Variants in DISP1 observed in about 807,000 individuals in gnomAD.
DISP1 encodes dispatched RND transporter family member 1, also known as protein dispatched homolog 1.
In DISP1, 30 loss-of-function variants were observed where a neutral mutation model predicts 37.3. The observed-to-expected ratio is 0.80, with a 90% CI of 0.60 to 1.09. DISP1 has a LOEUF of 1.09. Ranked by LOEUF, DISP1 falls within the 50% of genes least tolerant of loss-of-function variation. DISP1 has a pLI of 0.00. For synonymous variants in DISP1, 634 were observed against 690.2 expected (o/e 0.92, Z 1.28); for missense variants, 1,598 against 1,879.5 (o/e 0.85, Z 2.77).
Position 222,994,908 on chromosome 1 carries a change from T to G in DISP1, c.913T>G (p.Phe305Val). The change falls in exon 8 of 9, where the codon TTT becomes GTT. Residue 305 changes from phenylalanine (F) to valine (V), a missense_variant. Phe to Val is a conservative substitution (Grantham distance 50). Transcript: ENST00000675850. ...VPSDRYSRVVFTSSGGETLWN... is the reference protein window; with the variant it reads ...VPSDRYSRVVVTSSGGETLWN... ...AGGTGACCGATATTCCAGAGTGGTATTTACTTCATCTGGAGGGGAGACATT... is the reference window on the plus strand; with the variant it reads ...AGGTGACCGATATTCCAGAGTGGTAGTTACTTCATCTGGAGGGGAGACATT... 1 of 1,612,312 alleles carries G rather than the reference T, an allele frequency of 6.2e-7. No individual in the cohort carries two copies. The highest frequency in any genetic ancestry group is 8.5e-7 in the Non-Finnish European group (1 of 1,178,710).
chr1:222,912,999 T>C (rs976342300), intron 1 of DISP1, among the ~76,000 whole-genome samples: 1 of 152,204 alleles, frequency 6.6e-6, no homozygotes, highest in East Asian at 1.9e-4. Flanking sequence ...CCTGCATGAC[T>C]AGATATTTAT....
chr1:222,927,416 A>G (rs988996849), intron 1 of DISP1, among the ~76,000 whole-genome samples: 1 of 151,954 alleles, frequency 6.6e-6, no homozygotes, highest in Non-Finnish European at 1.5e-5. Flanking sequence ...TTTATTGTTG[A>G]GTTGTAAGAG....
intron 3 of DISP1, among the ~76,000 whole-genome samples, chr1:222,965,513 TCTC>T (rs970512569): frequency 2.0e-5 from 3 of 152,194 alleles, no homozygotes; most frequent in Admixed American, 6.6e-5. Context: ...TTTGATTTCT[TCTC>T]CTGTTTAGTT....
chr1:222,968,390 G>T lies in DISP1; in HGVS notation c.510-14690G>T, dbSNP rs117564249. 6.1e-3 allele frequency among the ~76,000 whole-genome samples: 927 copies of T among 152,182 alleles called. 68 individuals carry two copies. The East Asian group carries it at 0.14, about 23-fold the overall frequency. On this transcript the variant is annotated intron_variant, in intron 3 of 8. Transcript: ENST00000675850. Reference sequence around the variant, plus strand: ...TAACTGAGAGATTTCTGTTACCACTGTTGTAGTTCTAGAAAGACCATCCAA... The same window carrying T: ...TAACTGAGAGATTTCTGTTACCACTTTTGTAGTTCTAGAAAGACCATCCAA...
intron 2 of DISP1, among the ~76,000 whole-genome samples, chr1:222,938,220 C>T (rs972680087): frequency 9.9e-5 from 15 of 152,170 alleles, no homozygotes; most frequent in African/African-American, 1.4e-4. Flanking sequence ...TACCCAAAAC[C>T]GATTTTAAAC....
chr1:222,940,826 A>C (rs1674325828), intron 2 of DISP1, among the ~76,000 whole-genome samples: 1 of 152,216 alleles, frequency 6.6e-6, no homozygotes, highest in Non-Finnish European at 1.5e-5. Flanking sequence ...GTGTGCCTGC[A>C]GTGATTTCTT....
chr1:222,938,038 T>C (rs1674099991), intron 2 of DISP1, among the ~76,000 whole-genome samples: 1 of 152,094 alleles, frequency 6.6e-6, no homozygotes, highest in Non-Finnish European at 1.5e-5. Context: ...CATGCTCAGC[T>C]AACTTTTAAA....
chr1:222,974,000 G>T (rs1002631784), intron 3 of DISP1, among the ~76,000 whole-genome samples: 1 of 152,158 alleles, frequency 6.6e-6, no homozygotes, highest in Non-Finnish European at 1.5e-5. Flanking sequence ...AATTAGGCTT[G>T]TGGGTGTGAC....
rs147873959 is a variant in DISP1 at position 222,910,341 on chromosome 1, G to A, written c.-158-18089G>A. Among the ~76,000 whole-genome samples, 619 of 152,164 alleles carry A rather than the reference G, an allele frequency of 4.1e-3. 12 individuals carry two copies. The highest frequency in any genetic ancestry group is 0.017 in the Admixed American group (255 of 15,278). ...TTGCACTATGGCACTCCAGCCTGGG[G>A]GTCGGAGTAAGACCCTGTCTCCAAA... On this transcript the variant is annotated intron_variant, in intron 1 of 8. Transcript: ENST00000675850.
Position 222,942,909 on chromosome 1 carries a change from C to T in DISP1, c.86C>T (p.Thr29Ile), listed in dbSNP as rs756499874. The T allele has an allele frequency of 4.3e-6, 7 of 1,613,992 alleles. No individual in the cohort carries two copies. In the East Asian group the frequency reaches 1.6e-4, roughly 36 times the overall value. The change falls in exon 3 of 9, where the codon ACC becomes ATC. Residue 29 changes from threonine (T) to isoleucine (I), a missense_variant. Transcript: ENST00000675850. Reference sequence around the variant, plus strand: ...AGTGCTGCTAACCCGAGTCCCCTCACCCCCTGTGATGGAGACCATGCAGCC... The same window carrying T: ...AGTGCTGCTAACCCGAGTCCCCTCATCCCCTGTGATGGAGACCATGCAGCC... ...ATSAANPSPLTPCDGDHAAQQ... is the reference protein window; with the variant it reads ...ATSAANPSPLIPCDGDHAAQQ...
At chr1:222,911,196 T>C (rs1672188609) in intron 1 of DISP1, among the ~76,000 whole-genome samples, 1 of 152,230 alleles carries the variant, frequency 6.6e-6, no homozygotes, top group South Asian at 2.1e-4. Flanking sequence ...TCAGCTTTGG[T>C]TAAAACCTGT....
intron 3 of DISP1, among the ~76,000 whole-genome samples, chr1:222,980,018 A>C (rs1186680782): frequency 1.3e-5 from 2 of 152,226 alleles, no homozygotes; most frequent in Admixed American, 6.5e-5. Flanking sequence ...TTACTGCTGA[A>C]TTAGGCATGG....
At chr1:222,834,819 C>T (rs1227785100) in intron 1 of DISP1, among the ~76,000 whole-genome samples, 1 of 152,044 alleles carries the variant, frequency 6.6e-6, no homozygotes, top group Non-Finnish European at 1.5e-5. Context: ...GGCAAGTTAC[C>T]CAACTTACTT....
chr1:222,968,647 G>C (rs1161403425), intron 3 of DISP1, among the ~76,000 whole-genome samples: 1 of 152,098 alleles, frequency 6.6e-6, no homozygotes, highest in Non-Finnish European at 1.5e-5. Flanking sequence ...TTAAAACAGA[G>C]CTTTGGCTGG....
At chr1:222,961,693 C>A (rs1336266541) in intron 3 of DISP1, among the ~76,000 whole-genome samples, 5 of 152,180 alleles carry the variant, frequency 3.3e-5, no homozygotes, top group East Asian at 3.9e-4. Flanking sequence ...TGTTTGCAGA[C>A]AATATGATTT....
intron 1 of DISP1, among the ~76,000 whole-genome samples, chr1:222,874,672 C>A (rs1427852876): frequency 5.3e-5 from 8 of 151,802 alleles, no homozygotes; most frequent in Non-Finnish European, 1.2e-4. Flanking sequence ...AATTTTTTTT[C>A]AAAGTTTTTA....
intron 1 of DISP1, among the ~76,000 whole-genome samples, chr1:222,918,349 AT>A (rs1221494996): frequency 6.6e-6 from 1 of 152,330 alleles, no homozygotes; most frequent in African/African-American, 2.4e-5. Flanking sequence ...CATGGGATTA[AT>A]TTTGGGCACA....
intron 1 of DISP1, among the ~76,000 whole-genome samples, chr1:222,862,187 C>G (rs1204772081): frequency 6.6e-6 from 1 of 152,090 alleles, no homozygotes; most frequent in Non-Finnish European, 1.5e-5. Flanking sequence ...TTGTTTGTAA[C>G]TTTTTATTTT....
At chr1:222,842,327 AG>A (rs1435151063) in intron 1 of DISP1, among the ~76,000 whole-genome samples, 2 of 151,172 alleles carry the variant, frequency 1.3e-5, no homozygotes, top group African/African-American at 4.9e-5. Context: ...AAAAAAAAAA[AG>A]GAATTGTCTG....
Sources: allele counts gnomAD v4.1 joint callset (sites outside exome capture counted in the v4.1 genomes callset), GRCh38; gene constraint gnomAD v4.1.1; transcripts MANE v1.5; gene names NCBI Gene and HGNC (gene_info 2026-07-23, HGNC 2026-07-21).